Variants in ENKUR observed in about 807,000 individuals in gnomAD.
ENKUR encodes enkurin.
In ENKUR, 19 loss-of-function variants were observed where a neutral mutation model predicts 27.6. The ratio of observed to expected loss-of-function variants is 0.69; its 90% confidence interval spans 0.48 to 1.01. ENKUR has a LOEUF of 1.01. Among genes scored for constraint, ENKUR ranks in the 50% least tolerant of loss-of-function variants. ENKUR has a pLI of 0.00. For missense variants in ENKUR, 312 were observed against 310.5 expected, an observed-to-expected ratio of 1.00 and a Z score of -0.04; for synonymous variants, 117 against 96.9, an observed-to-expected ratio of 1.21 and a Z score of -1.22.
chr10:25,032,323 G>A (rs577918358), intron 2 of ENKUR, among the ~76,000 whole-genome samples: 2 of 148,156 alleles, frequency 1.3e-5, no homozygotes, highest in Non-Finnish European at 1.5e-5. Flanking sequence ...AAGGGGGGGG[G>A]GCTATGATCG....
intron 2 of ENKUR, chr10:25,024,589 T>G (rs768483452): frequency 1.9e-6 from 3 of 1,614,084 alleles, no homozygotes; most frequent in Non-Finnish European, 2.5e-6. Flanking sequence ...TTTTACTGGC[T>G]TTCTTACTGT....
At chr10:25,045,826 G>C (rs1851115661) in intron 2 of ENKUR, among the ~76,000 whole-genome samples, 1 of 152,132 alleles carries the variant, frequency 6.6e-6, no homozygotes, top group Non-Finnish European at 1.5e-5. Flanking sequence ...TGACACTTAA[G>C]GGCAGAACCA....
At chr10:25,006,380 G>A (rs138733734) in intron 1 of ENKUR, among the ~76,000 whole-genome samples, 66 of 152,194 alleles carry the variant, frequency 4.3e-4, no homozygotes, top group African/African-American at 1.3e-3. Context: ...GCAGCACACC[G>A]AGAACATTTG....
Position 24,984,175 on chromosome 10 carries a change from T to C in ENKUR, c.*195A>G. On this transcript the variant is annotated 3_prime_UTR_variant, in exon 6 of 6. Coordinates refer to ENST00000331161, the MANE Select transcript of ENKUR (RefSeq NM_145010.4). ...TCCTCCAAATAGAAGCCTTTCATCA[T>C]ATACAGTGTTACGAATACTGAAAAT... 2 of 510,376 alleles carry C rather than the reference T, an allele frequency of 3.9e-6. No homozygotes were observed. The allele number at this position is 510,376 out of a possible 1,614,324, so 31.6% of individuals were successfully genotyped here. A position where few individuals can be genotyped will look rare whatever the true frequency, so the allele number is the denominator to read the frequency against.
intron 4 of ENKUR, among the ~76,000 whole-genome samples, chr10:24,987,006 C>T (rs1166503621): frequency 1.3e-5 from 2 of 152,204 alleles, no homozygotes; most frequent in Non-Finnish European, 1.5e-5. Flanking sequence ...TTTGCACCCT[C>T]GCCCACCCCC....
intron 2 of ENKUR, chr10:25,061,034 A>G: frequency 1.4e-6 from 2 of 1,383,848 alleles, no homozygotes; most frequent in African/African-American, 2.9e-5. Flanking sequence ...TTTAGATGAG[A>G]CAAGGATATC....
chr10:25,010,855 T>C, intron 1 of ENKUR, among the ~76,000 whole-genome samples: 2 of 151,532 alleles, frequency 1.3e-5, no homozygotes, highest in Non-Finnish European at 2.9e-5. Context: ...TGTTGGACAT[T>C]TGGGTTGGTT....
At chr10:25,025,784 A>C (rs1850839225) in intron 2 of ENKUR, 1 of 222,320 alleles carries the variant, frequency 4.5e-6, no homozygotes, top group African/African-American at 2.3e-5. Flanking sequence ...GGCGATTAAA[A>C]TATTTAAGCC....
intron 2 of ENKUR, among the ~76,000 whole-genome samples, chr10:24,998,273 T>TTTTTC (rs748422124): frequency 2.8e-4 from 43 of 151,996 alleles, no homozygotes; most frequent in Admixed American, 3.9e-4. Flanking sequence ...ACTCGTTTCT[T>TTTTTC]TTTTCTTTTC....
chr10:25,002,369 C>G (rs1170649205), intron 1 of ENKUR, among the ~76,000 whole-genome samples: 2 of 152,208 alleles, frequency 1.3e-5, no homozygotes, highest in African/African-American at 4.8e-5. Context: ...GCTGTGAATT[C>G]TAGCAGCTTT....
intron 4 of ENKUR, among the ~76,000 whole-genome samples, chr10:24,989,156 C>T (rs747461739): frequency 1.3e-5 from 2 of 152,122 alleles, no homozygotes; most frequent in South Asian, 2.1e-4. Flanking sequence ...CACAAAGGCA[C>T]GTACTTTCTG....
intron 4 of ENKUR, among the ~76,000 whole-genome samples, chr10:24,988,334 GTGTATATATATATTTATATA>G (rs1314885878): frequency 7.1e-6 from 1 of 141,256 alleles, no homozygotes; most frequent in Non-Finnish European, 1.5e-5. Flanking sequence ...ATTTATATAT[GTGTATATATATATTTATATA>G]TGTGTATATA....
chr10:25,030,346 AGATT>A (rs1270840912), intron 2 of ENKUR, among the ~76,000 whole-genome samples: 1 of 152,206 alleles, frequency 6.6e-6, no homozygotes. Context: ...ATTGCAGACT[AGATT>A]AATATTTTGC....
At chr10:24,988,515 T>G (rs970698606) in intron 4 of ENKUR, among the ~76,000 whole-genome samples, 1 of 147,090 alleles carries the variant, frequency 6.8e-6, no homozygotes, top group Non-Finnish European at 1.5e-5. Context: ...ATTTAATTGG[T>G]GAGAGGAACT....
intron 2 of ENKUR, among the ~76,000 whole-genome samples, chr10:25,033,618 G>A (rs558683165): frequency 6.6e-5 from 10 of 152,168 alleles, no homozygotes; most frequent in African/African-American, 2.4e-4. Flanking sequence ...CAAAAATATT[G>A]GAATAGGTGA....
At chr10:25,048,534 T>C (rs1289766804) in intron 2 of ENKUR, among the ~76,000 whole-genome samples, 3 of 151,736 alleles carry the variant, frequency 2.0e-5, no homozygotes, top group African/African-American at 4.8e-5. Context: ...GGAAGCACAG[T>C]CCAGCAGAAA....
chr10:25,000,509 G>A (rs960832002), intron 1 of ENKUR, among the ~76,000 whole-genome samples: 1 of 152,070 alleles, frequency 6.6e-6, no homozygotes, highest in Non-Finnish European at 1.5e-5. Context: ...TAGGTGCATA[G>A]CATTTAGGAT....
intron 1 of ENKUR, among the ~76,000 whole-genome samples, chr10:25,061,555 G>T (rs1851328404): frequency 6.6e-6 from 1 of 152,168 alleles, no homozygotes. Flanking sequence ...TTTCCTTTGA[G>T]CAGGATAACC....
At chr10:25,021,439 A>G (rs1022919121) in intron 2 of ENKUR, among the ~76,000 whole-genome samples, 2 of 152,158 alleles carry the variant, frequency 1.3e-5, no homozygotes, top group African/African-American at 4.8e-5. Context: ...ATACAGCCAA[A>G]TCATTAAAAT....
Sources: allele counts gnomAD v4.1 joint callset (sites outside exome capture counted in the v4.1 genomes callset), GRCh38; gene constraint gnomAD v4.1.1; transcripts MANE v1.5; gene names NCBI Gene and HGNC (gene_info 2026-07-23, HGNC 2026-07-21).